The following RUNX1 variants were observed in gnomAD, a reference collection of about 807,000 sequenced individuals.
RUNX1 encodes the protein runt-related transcription factor 1.
RUNX1 carries 19 observed loss-of-function variants against 42.8 expected under a neutral mutation model. The observed-to-expected ratio is 0.44, with a 90% CI of 0.31 to 0.65. The LOEUF is 0.65. RUNX1 is among the 30% of genes least tolerant of loss of function. RUNX1 has a pLI of 0.07. For missense variants in RUNX1, 528 were observed against 672.0 expected (o/e 0.79, Z 2.37); for synonymous variants, 271 against 289.4 (o/e 0.94, Z 0.64).
At chr21:34,813,798 G>C (rs913639389) in intron 7 of RUNX1, among the ~76,000 whole-genome samples, 2 of 152,050 alleles carry the variant, frequency 1.3e-5, no homozygotes, top group Admixed American at 6.5e-5. Flanking sequence ...ATGTCTTATG[G>C]AATGATAGAG....
intron 2 of RUNX1, among the ~76,000 whole-genome samples, chr21:35,029,051 C>T (rs1020525265): frequency 2.6e-5 from 4 of 152,102 alleles, no homozygotes; most frequent in African/African-American, 9.7e-5. Context: ...ATGAGCCAAA[C>T]GATGGATGCT....
intron 2 of RUNX1, among the ~76,000 whole-genome samples, chr21:35,032,069 G>A (rs181466003): frequency 6.6e-6 from 1 of 152,288 alleles, no homozygotes; most frequent in East Asian, 1.9e-4. Context: ...AGGGGCTTTT[G>A]GGGAATGATC....
At chr21:34,838,333 C>A (rs1202260204) in intron 6 of RUNX1, among the ~76,000 whole-genome samples, 1 of 152,154 alleles carries the variant, frequency 6.6e-6, no homozygotes, top group Non-Finnish European at 1.5e-5. Context: ...AATTTTCTGG[C>A]AGTCAACAAC....
In RUNX1 at chr21:34,823,430, G is replaced by GTTTTT. The variant is rs56957776; in HGVS notation, c.805+10975_805+10979dup. Reference sequence around the variant, plus strand: ...TAAGCACCATTTCCATTCCTGGTGGGTTTTTTTTTTTTTTTTTTTTTTTTT... The same window carrying GTTTTT: ...TAAGCACCATTTCCATTCCTGGTGGGTTTTTTTTTTTTTTTTTTTTTTTTTTTTTT... On this transcript the variant is annotated intron_variant, in intron 7 of 8. Transcript: ENST00000675419. 3.2e-3 allele frequency among the ~76,000 whole-genome samples: 323 copies of GTTTTT among 99,638 alleles called. 37 individuals are homozygous for GTTTTT. Among genetic ancestry groups the GTTTTT allele is most frequent in the African/African-American group, 0.015 (287 of 19,510 alleles). The allele number at this position is 99,638 out of a possible 152,430, so 65.4% of individuals were successfully genotyped here. A position where few individuals can be genotyped will look rare whatever the true frequency, so the allele number is the denominator to read the frequency against.
intron 5 of RUNX1, among the ~76,000 whole-genome samples, chr21:34,877,360 C>T (rs2057829292): frequency 6.6e-6 from 1 of 152,102 alleles, no homozygotes; most frequent in South Asian, 2.1e-4. Flanking sequence ...GAGTCCCAGT[C>T]CATTTGGCTA....
chr21:34,904,933 T>C (rs2058206056), intron 2 of RUNX1, among the ~76,000 whole-genome samples: 1 of 152,142 alleles, frequency 6.6e-6, no homozygotes, highest in South Asian at 2.1e-4. Flanking sequence ...TTTAGCCTTC[T>C]CTTTAACCAA....
At chr21:34,818,563 G>T (rs576830617) in intron 7 of RUNX1, among the ~76,000 whole-genome samples, 4 of 152,142 alleles carry the variant, frequency 2.6e-5, no homozygotes, top group Non-Finnish European at 5.9e-5. Context: ...TCAGACAGGT[G>T]TGAGATTGGA....
intron 2 of RUNX1, among the ~76,000 whole-genome samples, chr21:34,998,542 T>G (rs1569144362): frequency 6.6e-6 from 1 of 152,114 alleles, no homozygotes; most frequent in Non-Finnish European, 1.5e-5. Context: ...TTTTCTTTTT[T>G]TCTTTTTCCT....
chr21:34,809,168 C>A (rs939459573), intron 7 of RUNX1, among the ~76,000 whole-genome samples: 1 of 152,150 alleles, frequency 6.6e-6, no homozygotes, highest in African/African-American at 2.4e-5. Flanking sequence ...TACATTCCTG[C>A]AACACCAGCA....
Position 34,834,621 on chromosome 21 carries a change from G to GCA in RUNX1, c.614-21_614-20insTG. The GCA allele has an allele frequency of 6.3e-7, 1 of 1,582,120 alleles. No homozygotes were observed. Among genetic ancestry groups the GCA allele is most frequent in the African/African-American group, 1.3e-5 (1 of 74,278 alleles). ...GATGTCCTATTGTGGGGAGCAGGGA[G>GCA]GGGAGGGGATGGGGGGAGGGAAGGA... On this transcript the variant is annotated intron_variant, in intron 6 of 8. Transcript: ENST00000675419.
intron 6 of RUNX1, among the ~76,000 whole-genome samples, chr21:34,841,734 C>A (rs752240597): frequency 1.3e-5 from 2 of 152,114 alleles, no homozygotes; most frequent in African/African-American, 2.4e-5. Flanking sequence ...GGACCTGATC[C>A]CTCCCACCCT....
intron 7 of RUNX1, chr21:34,821,350 T>C (rs990894709): frequency 2.8e-5 from 33 of 1,198,772 alleles, no homozygotes; most frequent in Non-Finnish European, 3.3e-5. Flanking sequence ...AAATATTTGA[T>C]AAAAATATAT....
chr21:34,886,596 A>T (rs917690282), intron 4 of RUNX1, among the ~76,000 whole-genome samples: 2 of 152,206 alleles, frequency 1.3e-5, no homozygotes, highest in African/African-American at 4.8e-5. Flanking sequence ...CCCAGTGGAT[A>T]TCTTTGGGGA....
intron 5 of RUNX1, among the ~76,000 whole-genome samples, chr21:34,861,161 T>C (rs1236378149): frequency 1.3e-5 from 2 of 152,190 alleles, no homozygotes; most frequent in African/African-American, 4.8e-5. Flanking sequence ...TGTTGGCCTT[T>C]GGGGATTTGC....
chr21:34,865,514 C>A (rs1361866540), intron 5 of RUNX1, among the ~76,000 whole-genome samples: 1 of 96,202 alleles, frequency 1.0e-5, no homozygotes, highest in African/African-American at 3.3e-5. Flanking sequence ...GTGTGTCCAT[C>A]CAAATGCCAG....
At position 34,790,279 on chromosome 21, in the gene RUNX1, T is replaced by C. The variant is rs2056418100; in HGVS notation, c.*1856A>G. 4.3e-6 allele frequency: 1 copy of C among 233,458 alleles called. No individual in the cohort carries two copies. The highest frequency in any genetic ancestry group is 8.5e-6 in the Non-Finnish European group (1 of 117,980). 14.5% of individuals were successfully genotyped at this position (233,458 alleles called of 1,614,324 possible). ...AGTTGTTTTAAATAAGTCCAGCTGT[T>C]TTTGCTGCCTGCAGCCAAAGATTTG... On this transcript the variant is annotated 3_prime_UTR_variant, in exon 9 of 9. Transcript: ENST00000675419.
Position 34,792,580 on chromosome 21 carries a change from G to T in RUNX1, c.998C>A (p.Pro333Gln). Residue 333 changes from proline to glutamine, a missense_variant, in exon 9 of 9, where the codon CCG becomes CAG. By Grantham distance (76) the Pro-to-Gln change is moderately conservative. Transcript: ENST00000675419. This position sits in a 1 kb window ranked among gnomAD's most constrained non-coding sequence, Gnocchi z 6.9. ...GGAGGGCAGCGCGGGGAACTGGCGC[G>T]GGTCGCTGAACGCTGTCAGGTCGGG... ...TAPDLTAFSD[P>Q]RQFPALPSIS... 6.2e-7 allele frequency: 1 copy of T among 1,602,250 alleles called. No homozygotes were observed. Among genetic ancestry groups the T allele is most frequent in the South Asian group, 1.1e-5 (1 of 89,022 alleles).
intron 2 of RUNX1, among the ~76,000 whole-genome samples, chr21:34,963,317 C>T (rs1319082551): frequency 6.6e-6 from 1 of 152,184 alleles, no homozygotes; most frequent in Non-Finnish European, 1.5e-5. Flanking sequence ...CCCCCCGGCA[C>T]ATCTGCAGAG....
At chr21:35,008,072 T>A (rs2059098691) in intron 2 of RUNX1, among the ~76,000 whole-genome samples, 2 of 152,236 alleles carry the variant, frequency 1.3e-5, no homozygotes, top group African/African-American at 4.8e-5. Context: ...CAGTGTCTGA[T>A]CCATGGTGCT....
Sources: gnomAD v4.1 joint callset for allele counts (sites outside exome capture counted in the v4.1 genomes callset) on GRCh38, gnomAD v4.1.1 for gene constraint, Gnocchi (gnomAD v3.1) non-coding constraint, MANE v1.5 for transcripts, NCBI Gene and HGNC (gene_info 2026-07-23, HGNC 2026-07-21) for gene names.